Variants in SCHIP1 observed in about 807,000 individuals in gnomAD.
The protein encoded by SCHIP1 is schwannomin-interacting protein 1.
A neutral mutation model predicts 29.7 loss-of-function variants in SCHIP1; 8 were observed. That is an observed-to-expected ratio of 0.27 (90% CI 0.16 to 0.49). The LOEUF (loss-of-function observed/expected upper bound fraction) is 0.49. Ranked by LOEUF, SCHIP1 falls within the 20% of genes least tolerant of loss-of-function variation. The pLI, the probability that SCHIP1 is intolerant of heterozygous loss-of-function variation, is 0.99. For missense variants in SCHIP1, 193 were observed against 294.6 expected (o/e 0.66, Z 2.52); for synonymous variants, 76 against 94.9 (o/e 0.80, Z 1.16).
At chr3:159,506,605 A>C in the SCHIP1 span, among the ~76,000 whole-genome samples, 1 of 152,228 alleles carries the variant, frequency 6.6e-6, no homozygotes, top group Non-Finnish European at 1.5e-5. Context: ...TTTAGGTCTA[A>C]CATTTAAGTC....
At chr3:159,570,412 C>A in the SCHIP1 span, among the ~76,000 whole-genome samples, 3,423 of 152,246 alleles carry the variant, frequency 0.022, 117 homozygotes, top group East Asian at 0.17. Context: ...ATCCTTTCCC[C>A]ATTGCTTGTT....
At chr3:159,598,342 T>G in the SCHIP1 span, among the ~76,000 whole-genome samples, 3 of 152,184 alleles carry the variant, frequency 2.0e-5, no homozygotes, top group African/African-American at 7.2e-5. Flanking sequence ...CTTCCACCTA[T>G]GAACCTGTAA....
At chr3:159,599,009 A>G in the SCHIP1 span, among the ~76,000 whole-genome samples, 1 of 152,080 alleles carries the variant, frequency 6.6e-6, no homozygotes, top group East Asian at 1.9e-4. Context: ...AGTCTATTTT[A>G]TGTAATGTAA....
chr3:159,281,208 A>G, the SCHIP1 span, among the ~76,000 whole-genome samples: 3 of 152,164 alleles, frequency 2.0e-5, no homozygotes, highest in Non-Finnish European at 2.9e-5. Context: ...AAAGAAATAC[A>G]TCCTCTTGGA....
At chr3:159,846,463 C>A (rs1195274309) in intron 1 of SCHIP1, among the ~76,000 whole-genome samples, 1 of 152,144 alleles carries the variant, frequency 6.6e-6, no homozygotes, top group Non-Finnish European at 1.5e-5. Context: ...TATATTCTAT[C>A]CCTATCGACA....
the SCHIP1 span, among the ~76,000 whole-genome samples, chr3:159,404,569 G>T: frequency 2.0e-5 from 3 of 152,100 alleles, no homozygotes; most frequent in Non-Finnish European, 4.4e-5. Flanking sequence ...ATGGAGGGAA[G>T]AGTGGGAAAG....
chr3:159,496,439 G>A, the SCHIP1 span, among the ~76,000 whole-genome samples: 1 of 152,122 alleles, frequency 6.6e-6, no homozygotes, highest in African/African-American at 2.4e-5. Context: ...CAAAAAGTAA[G>A]CGAAGGATAT....
the SCHIP1 span, among the ~76,000 whole-genome samples, chr3:159,405,849 C>T: frequency 6.9e-6 from 1 of 145,974 alleles, no homozygotes; most frequent in Non-Finnish European, 1.5e-5. Flanking sequence ...CACCACTGCT[C>T]TCCAGCCTAG....
At chr3:159,615,895 T>A in the SCHIP1 span, among the ~76,000 whole-genome samples, 1 of 152,252 alleles carries the variant, frequency 6.6e-6, no homozygotes, top group Non-Finnish European at 1.5e-5. Flanking sequence ...CATATTTGTC[T>A]ATCCAGAGAG....
chr3:159,655,554 T>C, the SCHIP1 span, among the ~76,000 whole-genome samples: 4 of 151,932 alleles, frequency 2.6e-5, no homozygotes, highest in Non-Finnish European at 5.9e-5. Flanking sequence ...AAGCTGGAGA[T>C]AGGAATGTTA....
the SCHIP1 span, among the ~76,000 whole-genome samples, chr3:159,474,592 T>C: frequency 1.6e-4 from 24 of 152,088 alleles, no homozygotes; most frequent in African/African-American, 5.3e-4. Flanking sequence ...TATATGTAAA[T>C]ACAGAAACAG....
At chr3:159,539,939 T>A in the SCHIP1 span, among the ~76,000 whole-genome samples, 1 of 152,084 alleles carries the variant, frequency 6.6e-6, no homozygotes, top group East Asian at 1.9e-4. Context: ...TTTAGAGACA[T>A]GAGAATTTCT....
the SCHIP1 span, among the ~76,000 whole-genome samples, chr3:159,282,928 T>A: frequency 7.2e-5 from 11 of 151,820 alleles, no homozygotes; most frequent in African/African-American, 2.7e-4. Flanking sequence ...ATGGTCAGAC[T>A]CATTCCAGAT....
At chr3:159,743,883 A>G in the SCHIP1 span, among the ~76,000 whole-genome samples, 1 of 152,226 alleles carries the variant, frequency 6.6e-6, no homozygotes, top group Non-Finnish European at 1.5e-5. Flanking sequence ...ATATGAATGC[A>G]CAGTAATATC....
chr3:159,716,092 T>C, the SCHIP1 span, among the ~76,000 whole-genome samples: 18 of 152,342 alleles, frequency 1.2e-4, no homozygotes, highest in East Asian at 3.5e-3. Context: ...TGAGGGCCAA[T>C]ATTCAACATT....
the SCHIP1 span, among the ~76,000 whole-genome samples, chr3:159,358,919 CCTTT>C: frequency 1.5e-5 from 2 of 136,924 alleles, no homozygotes; most frequent in African/African-American, 5.7e-5. Context: ...GTATTAGCAT[CCTTT>C]TTTTTTTTTT....
At chr3:159,560,721 C>T in the SCHIP1 span, among the ~76,000 whole-genome samples, 3 of 151,208 alleles carry the variant, frequency 2.0e-5, no homozygotes, top group African/African-American at 7.3e-5. Flanking sequence ...CACTTATTAC[C>T]CTTTTTGTTT....
the SCHIP1 span, among the ~76,000 whole-genome samples, chr3:159,757,479 T>C: frequency 6.6e-6 from 1 of 152,280 alleles, no homozygotes; most frequent in East Asian, 1.9e-4. Context: ...AGATGAGACT[T>C]GGGTGGGGAC....
the SCHIP1 span, among the ~76,000 whole-genome samples, chr3:159,433,374 A>G: frequency 2.0e-5 from 3 of 152,162 alleles, no homozygotes; most frequent in African/African-American, 7.2e-5. Flanking sequence ...GGTTATTTGT[A>G]TGCTCTGCAA....
Sources: allele counts gnomAD v4.1 joint callset (sites outside exome capture counted in the v4.1 genomes callset), GRCh38; gene constraint gnomAD v4.1.1; transcripts MANE v1.5; gene names NCBI Gene and HGNC (gene_info 2026-07-23, HGNC 2026-07-21).